Variants in LRRC43 observed in about 807,000 individuals in gnomAD.
LRRC43 encodes the protein leucine rich repeat containing 43.
LRRC43 carries 62 observed loss-of-function variants against 64.3 expected under a neutral mutation model. That is an observed-to-expected ratio of 0.96 (90% confidence interval 0.79 to 1.19). The LOEUF (loss-of-function observed/expected upper bound fraction) is 1.19, where lower values mean the gene tolerates loss of function less well. Ranked by LOEUF, LRRC43 falls within the 50% of genes most tolerant of loss-of-function variation. The pLI is 0.00. For synonymous variants in LRRC43, 422 were observed against 382.3 expected (o/e 1.10, Z -1.21); for missense variants, 868 against 845.0 (o/e 1.03, Z -0.34).
Position 122,200,077 on chromosome 12 carries a change from G to T in LRRC43, c.1350-112G>T. ...CCGGACCTCACGTCTCATGCTGTTT[G>T]TGGGCTTCGATGCTCGTGGTCTCCT... On this transcript the variant is annotated intron_variant, in intron 7 of 11. Transcript: ENST00000339777. The surrounding 1 kb of genome is among the most constrained non-coding windows in gnomAD (Gnocchi z 4.6). 8.3e-7 allele frequency: 1 copy of T among 1,198,018 alleles called. No homozygotes were observed. The allele number at this position is 1,198,018 out of a possible 1,614,324, so 74.2% of individuals were successfully genotyped here.
In LRRC43 at chr12:122,203,402, G is replaced by T; in HGVS notation, c.1931G>T (p.Cys644Phe). 6.2e-7 allele frequency: 1 copy of T among 1,612,512 alleles called. No homozygotes were observed. Among genetic ancestry groups the T allele is most frequent in the Non-Finnish European group, 8.5e-7 (1 of 1,179,706 alleles). Reference protein sequence around the residue: ...TVEVQIQLNQCRSAEEALRMF... With the variant: ...TVEVQIQLNQFRSAEEALRMF... ...GAGGTGCAGATCCAGCTGAACCAGT[G>T]CCGCTCGGCGGAGGAGGCTCTGCGC... The change falls in exon 12 of 12, where the codon TGC becomes TTC. Residue 644 changes from cysteine to phenylalanine, a missense_variant. Transcript: ENST00000339777.
chr12:122,194,445 T>C (rs767207168), intron 7 of LRRC43, among the ~76,000 whole-genome samples: 4 of 151,626 alleles, frequency 2.6e-5, no homozygotes, highest in Admixed American at 6.6e-5. Flanking sequence ...TAATCCCAGC[T>C]GTAATCCCAG....
intron 1 of LRRC43, among the ~76,000 whole-genome samples, chr12:122,168,091 A>G (rs1953455742): frequency 6.7e-6 from 1 of 149,774 alleles, no homozygotes; most frequent in Non-Finnish European, 1.5e-5. Context: ...CTGGGATTAC[A>G]GGTATGAGCC....
chr12:122,190,973 A>G (rs1953711652), intron 5 of LRRC43, among the ~76,000 whole-genome samples: 1 of 152,186 alleles, frequency 6.6e-6, no homozygotes, highest in Non-Finnish European at 1.5e-5. Flanking sequence ...GTCTCTAAAA[A>G]AAATAAAAAG....
At chr12:122,193,367 G>A (rs541830864) in intron 7 of LRRC43, among the ~76,000 whole-genome samples, 6 of 122,148 alleles carry the variant, frequency 4.9e-5, no homozygotes, top group East Asian at 2.6e-4. Flanking sequence ...GCGACAGAGC[G>A]AGACTCCGTC....
At chr12:122,180,327 T>C (rs1022681077), upstream of LRRC43, among the ~76,000 whole-genome samples, 2 of 152,112 alleles carry the variant, frequency 1.3e-5, no homozygotes, top group Admixed American at 1.3e-4. Flanking sequence ...GAGACCAGCC[T>C]GACCAGCATG....
chr12:122,173,907 T>A, intron 1 of LRRC43: 2 of 1,614,152 alleles, frequency 1.2e-6, no homozygotes, highest in Non-Finnish European at 1.7e-6. Flanking sequence ...CATCATCACT[T>A]GGTCGTAGTA....
rs986141659 is a variant in LRRC43, at chr12:122,186,134, C to T, written c.412-56C>T. 3 of 945,188 alleles carry T rather than the reference C, an allele frequency of 3.2e-6. No individual in the cohort carries two copies. In the African/African-American group the frequency reaches 4.9e-5, roughly 15 times the overall value. 58.6% of individuals were successfully genotyped at this position (945,188 alleles called of 1,614,324 possible). A position where few individuals can be genotyped will look rare whatever the true frequency, so the allele number is the denominator to read the frequency against. On this transcript the variant is annotated intron_variant, in intron 2 of 11. Transcript: ENST00000339777. ...TGTCTTCCTAATGTGGACATGGGTT[C>T]TGTGCCCGTGCTCCCTCTCCTGCTA...
At chr12:122,169,958 C>A (rs1953471177) in intron 1 of LRRC43, among the ~76,000 whole-genome samples, 1 of 151,912 alleles carries the variant, frequency 6.6e-6, no homozygotes. Context: ...AGGCATGCAC[C>A]ACTACACTTG....
rs1020715636 is a variant in LRRC43, at chr12:122,200,085, C to T, written c.1350-104C>T. The T allele has an allele frequency of 3.7e-5, 48 of 1,289,458 alleles. 1 individual carries two copies. The highest frequency in any genetic ancestry group is 2.7e-4 in the African/African-American group (18 of 67,440). The allele number at this position is 1,289,458 out of a possible 1,614,324, so 79.9% of individuals were successfully genotyped here. The stretch of plus-strand genomic sequence containing the variant: ...CACGTCTCATGCTGTTTGTGGGCTT[C>T]GATGCTCGTGGTCTCCTCGGATGTC... On this transcript the variant is annotated intron_variant, in intron 7 of 11. Coordinates refer to ENST00000339777, the MANE Select transcript of LRRC43 (RefSeq NM_001098519.2). The surrounding 1 kb of genome is among the most constrained non-coding windows in gnomAD (Gnocchi z 4.6).
chr12:122,200,027 G>A lies in LRRC43; in HGVS notation c.1350-162G>A, dbSNP rs1953816673. ...GTATCCACACCTTTCTGGCCTTCTG[G>A]TCCCCTTGCCCTGCCTGGTGGCAGC... On this transcript the variant is annotated intron_variant, in intron 7 of 11. Coordinates refer to ENST00000339777, the MANE Select transcript of LRRC43 (RefSeq NM_001098519.2). The surrounding 1 kb of genome is among the most constrained non-coding windows in gnomAD (Gnocchi z 4.6). 6.6e-6 allele frequency among the ~76,000 whole-genome samples: 1 copy of A among 152,064 alleles called. No homozygotes were observed. The highest frequency in any genetic ancestry group is 2.4e-5 in the African/African-American group (1 of 41,410).
chr12:122,196,628 G>T (rs1195824088), intron 7 of LRRC43, among the ~76,000 whole-genome samples: 1 of 152,084 alleles, frequency 6.6e-6, no homozygotes, highest in Non-Finnish European at 1.5e-5. Context: ...AATTATCTGG[G>T]CATGGTGGCA....
chr12:122,185,778 C>A (rs1252838905), intron 2 of LRRC43, among the ~76,000 whole-genome samples: 1 of 152,172 alleles, frequency 6.6e-6, no homozygotes, highest in African/African-American at 2.4e-5. Flanking sequence ...TTTGAGGTCA[C>A]AGGAACTGAG....
At chr12:122,172,838 T>A in intron 1 of LRRC43, 1 of 924,642 alleles carries the variant, frequency 1.1e-6, no homozygotes, top group Admixed American at 2.5e-5. Context: ...ACCCGCCTCG[T>A]TGATATATTT....
At chr12:122,170,396 C>T (rs1001152661) in intron 1 of LRRC43, among the ~76,000 whole-genome samples, 5 of 152,068 alleles carry the variant, frequency 3.3e-5, no homozygotes, top group Non-Finnish European at 7.4e-5. Flanking sequence ...CTTTGGGAGG[C>T]CAAGGCAGGC....
chr12:122,201,960 C>G (rs1463345424), intron 11 of LRRC43: 1 of 152,328 alleles, frequency 6.6e-6, no homozygotes, highest in Non-Finnish European at 1.5e-5. Flanking sequence ...CCCGTCTCTA[C>G]TGAAAACACA....
chr12:122,188,526 C>T (rs1433726735), intron 4 of LRRC43, among the ~76,000 whole-genome samples: 9 of 150,726 alleles, frequency 6.0e-5, no homozygotes, highest in Admixed American at 6.0e-4. Context: ...CTGCAACCTC[C>T]ACCTCCCAGG....
At chr12:122,172,270 G>C (rs1192778937) in intron 1 of LRRC43, 1 of 633,416 alleles carries the variant, frequency 1.6e-6, no homozygotes, top group Non-Finnish European at 2.8e-6. Context: ...AGCCCTCCCG[G>C]GACTAGCCCA....
intron 11 of LRRC43, among the ~76,000 whole-genome samples, chr12:122,201,798 G>A (rs947348074): frequency 4.6e-5 from 7 of 152,178 alleles, no homozygotes; most frequent in Non-Finnish European, 7.3e-5. Context: ...CAAAAAGCAT[G>A]AGGCCCGATC....
Sources: gnomAD v4.1 joint callset for allele counts (sites outside exome capture counted in the v4.1 genomes callset) on GRCh38, gnomAD v4.1.1 for gene constraint, Gnocchi (gnomAD v3.1) non-coding constraint, MANE v1.5 for transcripts, NCBI Gene and HGNC (gene_info 2026-07-23, HGNC 2026-07-21) for gene names.